The following TTC7B variants were observed in gnomAD, a reference collection of about 807,000 sequenced individuals.
The protein encoded by TTC7B is tetratricopeptide repeat domain 7B.
In TTC7B, 28 loss-of-function variants were observed where a neutral mutation model predicts 106.8. The ratio of observed to expected loss-of-function variants is 0.26; its 90% confidence interval spans 0.19 to 0.36. The LOEUF (loss-of-function observed/expected upper bound fraction) is 0.36, where lower values mean the gene tolerates loss of function less well. Ranked by LOEUF, TTC7B falls within the 10% of genes least tolerant of loss-of-function variation. The pLI is 1.00. For missense variants in TTC7B, 862 were observed against 1,076.4 expected (o/e 0.80, Z 2.79); for synonymous variants, 405 against 430.6 (o/e 0.94, Z 0.74).
chr14:90,790,312 T>C (rs1028968377), intron 1 of TTC7B, among the ~76,000 whole-genome samples: 3 of 152,028 alleles, frequency 2.0e-5, no homozygotes, highest in Non-Finnish European at 4.4e-5. Context: ...AAAAAGTAAC[T>C]CTTCTTTAAA....
At position 90,600,234 on chromosome 14, in the gene TTC7B, T is replaced by G. The variant is rs1001571721; in HGVS notation, c.1967-6608A>C. Reference sequence around the variant, plus strand: ...CCCTCATCTCCCTGGTGCCCGGGAGTTAGGACAATTCCCATCTTTGCTGTA... The same window carrying G: ...CCCTCATCTCCCTGGTGCCCGGGAGGTAGGACAATTCCCATCTTTGCTGTA... On this transcript the variant is annotated intron_variant, in intron 17 of 19. Transcript: ENST00000328459. This position sits in a 1 kb window ranked among gnomAD's most constrained non-coding sequence, Gnocchi z 4.3. Among the ~76,000 whole-genome samples the G allele has an allele frequency of 2.0e-5, 3 of 152,100 alleles. No individual in the cohort carries two copies. Among genetic ancestry groups the G allele is most frequent in the African/African-American group, 7.2e-5 (3 of 41,422 alleles).
At chr14:90,650,222 C>G (rs112834811) in intron 13 of TTC7B, among the ~76,000 whole-genome samples, 1,891 of 152,350 alleles carry the variant, frequency 0.012, 24 homozygotes, top group Non-Finnish European at 0.022. Flanking sequence ...TGTCCAAGAA[C>G]AGCCAGCAAA....
At chr14:90,711,066 T>C (rs1430225428) in intron 5 of TTC7B, among the ~76,000 whole-genome samples, 1 of 152,182 alleles carries the variant, frequency 6.6e-6, no homozygotes, top group Admixed American at 6.5e-5. Flanking sequence ...AGAGAATTCA[T>C]TGTTAGTAGA....
chr14:90,744,071 C>A (rs554773037), intron 4 of TTC7B, among the ~76,000 whole-genome samples: 1 of 152,240 alleles, frequency 6.6e-6, no homozygotes, highest in Non-Finnish European at 1.5e-5. Flanking sequence ...CGGTCTACTT[C>A]GGTCCACGTC....
At chr14:90,679,310 A>G (rs931322461) in intron 8 of TTC7B, among the ~76,000 whole-genome samples, 2 of 152,190 alleles carry the variant, frequency 1.3e-5, no homozygotes, top group African/African-American at 4.8e-5. Context: ...CTGCCCTCTC[A>G]TGAGTTCTGG....
chr14:90,526,537 C>T lies in TTC7B; in HGVS notation c.*14831G>A, dbSNP rs914822828. On this transcript the variant is annotated 3_prime_UTR_variant, in exon 20 of 20. Transcript: ENST00000328459. ...ATTTAGATGTCAGCAGCTTATAATA[C>T]GAATGTGCCTGATATGGTTTGGCTG... 8 of 152,150 alleles carry T rather than the reference C, an allele frequency of 5.3e-5. No homozygotes were observed. The highest frequency in any genetic ancestry group is 1.0e-4 in the Non-Finnish European group (7 of 68,024). The allele number at this position is 152,150 out of a possible 1,614,324, so 9.4% of individuals were successfully genotyped here.
intron 4 of TTC7B, 77 bp from the exon 5 acceptor site, chr14:90,730,273 A>C: frequency 2.0e-6 from 3 of 1,509,872 alleles, no homozygotes; most frequent in Non-Finnish European, 2.6e-6. Flanking sequence ...CTCTAAATGT[A>C]CTGCTCGACC....
At chr14:90,698,374 A>G (rs1887847946) in intron 5 of TTC7B, 1 of 152,220 alleles carries the variant, frequency 6.6e-6, no homozygotes, top group Non-Finnish European at 1.5e-5. Context: ...GTTAATTCTT[A>G]AAATGTTGAG....
chr14:90,798,689 G>A lies in TTC7B; in HGVS notation c.122-12361C>T, dbSNP rs909418457. On this transcript the variant is annotated intron_variant, in intron 1 of 19. Transcript: ENST00000328459. ...CGTGCCACTACACTCCAGTCTGGGC[G>A]ACAGAGTGAGACTCCATCTCAAAAA... 8.7e-5 allele frequency among the ~76,000 whole-genome samples: 10 copies of A among 115,308 alleles called. No homozygotes were observed. The South Asian group carries it at 1.8e-3, about 21-fold the overall frequency. The allele number at this position is 115,308 out of a possible 152,430, so 75.6% of individuals were successfully genotyped here.
At position 90,657,787 on chromosome 14, in the gene TTC7B, T is replaced by C. The variant is rs886107559; in HGVS notation, c.1237-509A>G. 2.0e-4 allele frequency: 37 copies of C among 183,190 alleles called. No homozygotes were observed. Among genetic ancestry groups the C allele is most frequent in the South Asian group, 5.4e-4 (5 of 9,250 alleles). 11.3% of individuals were successfully genotyped at this position (183,190 alleles called of 1,614,324 possible). On this transcript the variant is annotated intron_variant, in intron 10 of 19. Coordinates refer to ENST00000328459, the MANE Select transcript of TTC7B (RefSeq NM_001010854.2). This position sits in a 1 kb window ranked among gnomAD's most constrained non-coding sequence, Gnocchi z 4.2. The stretch of plus-strand genomic sequence containing the variant: ...CATCTCATTCTCCTGATAACACATC[T>C]ATGGAGCAGGTGCTGTTCTTACTCC...
intron 9 of TTC7B, among the ~76,000 whole-genome samples, chr14:90,661,339 G>A (rs970425412): frequency 3.3e-5 from 5 of 152,238 alleles, no homozygotes; most frequent in Non-Finnish European, 4.4e-5. Context: ...TGAGGAAGGT[G>A]TCACTGTGCC....
At chr14:90,602,277 G>T (rs1040259642) in intron 17 of TTC7B, 4 of 454,646 alleles carry the variant, frequency 8.8e-6, no homozygotes, top group African/African-American at 8.0e-5. Flanking sequence ...ATTTAATGTG[G>T]TTAATGTGAA....
intron 5 of TTC7B, among the ~76,000 whole-genome samples, chr14:90,724,600 C>T (rs918906311): frequency 1.3e-5 from 2 of 152,208 alleles, no homozygotes; most frequent in Non-Finnish European, 2.9e-5. Flanking sequence ...CTGCTCTGGC[C>T]ATGTGATGGC....
Position 90,578,420 on chromosome 14 carries a change from G to T in TTC7B, c.2108-112C>A. On this transcript the variant is annotated intron_variant, in intron 18 of 19. Transcript: ENST00000328459. The surrounding 1 kb of genome is among the most constrained non-coding windows in gnomAD (Gnocchi z 4.7). ...GCACGGGAGTCTGGCGGGGCGCAGA[G>T]CCAGCTGATCCCTGCTCCAAGTGGA... 9.0e-7 allele frequency: 1 copy of T among 1,106,776 alleles called. No homozygotes were observed. The highest frequency in any genetic ancestry group is 1.3e-6 in the Non-Finnish European group (1 of 758,604). 68.6% of individuals were successfully genotyped at this position (1,106,776 alleles called of 1,614,324 possible). A position where few individuals can be genotyped will look rare whatever the true frequency, so the allele number is the denominator to read the frequency against.
At chr14:90,556,319 G>A (rs1158196974) in intron 19 of TTC7B, among the ~76,000 whole-genome samples, 2 of 152,266 alleles carry the variant, frequency 1.3e-5, no homozygotes, top group East Asian at 3.9e-4. Context: ...TCCCCCATCT[G>A]CCGTTTAAAT....
At chr14:90,664,411 AG>A (rs1227529425) in intron 9 of TTC7B, among the ~76,000 whole-genome samples, 1 of 152,170 alleles carries the variant, frequency 6.6e-6, no homozygotes, top group Non-Finnish European at 1.5e-5. Flanking sequence ...CTGGGATTAC[AG>A]GTGCCCGCCA....
At chr14:90,680,951 G>A (rs183086234) in intron 7 of TTC7B, among the ~76,000 whole-genome samples, 4 of 152,220 alleles carry the variant, frequency 2.6e-5, no homozygotes, top group East Asian at 1.9e-4. Context: ...TTATACTGTC[G>A]TTTAGATGAA....
intron 9 of TTC7B, among the ~76,000 whole-genome samples, chr14:90,658,793 C>G (rs1489021556): frequency 6.6e-6 from 1 of 152,184 alleles, no homozygotes; most frequent in Non-Finnish European, 1.5e-5. Flanking sequence ...CTTCCCCAGC[C>G]CAGCCCCACT....
In TTC7B at chr14:90,593,596, G is replaced by T. The variant is rs1400192997; in HGVS notation, c.1997C>A (p.Ser666Ter). 6.2e-7 allele frequency: 1 copy of T among 1,611,436 alleles called. No individual in the cohort carries two copies. Among genetic ancestry groups the T allele is most frequent in the Admixed American group, 1.7e-5 (1 of 59,782 alleles). ...GSVHATSVAASRVEQALSEVA... is the reference protein window; with the variant it reads ...GSVHATSVAA ...TTCCGACAGTGCCTGCTCCACTCTTGAGGCTGCTACCGATGTGGCATGGAC... is the reference window on the plus strand; with the variant it reads ...TTCCGACAGTGCCTGCTCCACTCTTTAGGCTGCTACCGATGTGGCATGGAC... The change falls in exon 18 of 20, where the codon TCA becomes TAA. Residue 666 changes from serine (S) to a stop codon, truncating the protein, a stop_gained. Coordinates refer to ENST00000328459, the MANE Select transcript of TTC7B (RefSeq NM_001010854.2). LOFTEE classifies it high-confidence loss of function.
Sources: gnomAD v4.1 joint callset for allele counts (sites outside exome capture counted in the v4.1 genomes callset) on GRCh38, gnomAD v4.1.1 for gene constraint, Gnocchi (gnomAD v3.1) non-coding constraint, MANE v1.5 for transcripts, NCBI Gene and HGNC (gene_info 2026-07-23, HGNC 2026-07-21) for gene names.